DLC1: variants seen among roughly 807,000 people sequenced by gnomAD.
DLC1 encodes DLC1 Rho GTPase activating protein.
In DLC1, 54 loss-of-function variants were observed where a neutral mutation model predicts 140.3. The observed-to-expected ratio is 0.38, with a 90% CI of 0.31 to 0.48. The LOEUF (loss-of-function observed/expected upper bound fraction) is 0.48, where lower values mean the gene tolerates loss of function less well. Among genes scored for constraint, DLC1 ranks in the 20% least tolerant of loss-of-function variants. The pLI, the probability that DLC1 is intolerant of heterozygous loss-of-function variation, is 0.96. For synonymous variants in DLC1, 986 were observed against 728.1 expected, an observed-to-expected ratio of 1.35 and a Z score of -5.70; for missense variants, 2,536 against 1,907.0, an observed-to-expected ratio of 1.33 and a Z score of -6.14.
intron 5 of DLC1, among the ~76,000 whole-genome samples, chr8:13,178,315 C>T (rs554405993): frequency 1.2e-4 from 18 of 152,254 alleles, no homozygotes; most frequent in African/African-American, 4.3e-4. Flanking sequence ...GTAATCCCAG[C>T]ATTTCGGGAG....
At chr8:13,159,820 A>G (rs1824541933) in intron 5 of DLC1, among the ~76,000 whole-genome samples, 4 of 151,608 alleles carry the variant, frequency 2.6e-5, no homozygotes, top group Admixed American at 2.0e-4. Context: ...GCAAGAAGGT[A>G]AGGGATGGAT....
chr8:13,525,315 G>A (rs1294140163), intron 1 of DLC1, among the ~76,000 whole-genome samples: 1 of 152,228 alleles, frequency 6.6e-6, no homozygotes, highest in East Asian at 1.9e-4. Context: ...TCATGTGCAA[G>A]TCATTGTATG....
At chr8:13,578,507 T>G (rs563127999) in intron 1 of DLC1, among the ~76,000 whole-genome samples, 2 of 152,220 alleles carry the variant, frequency 1.3e-5, no homozygotes, top group African/African-American at 4.8e-5. Flanking sequence ...GGTTAAGAGC[T>G]CAGTCCTACA....
intron 5 of DLC1, chr8:13,304,875 T>C (rs1832352527): frequency 1.0e-6 from 1 of 991,590 alleles, no homozygotes; most frequent in African/African-American, 1.7e-5. Flanking sequence ...GGCATCAGCT[T>C]TAAGCATCAA....
intron 5 of DLC1, among the ~76,000 whole-genome samples, chr8:13,270,784 C>T (rs1302767066): frequency 6.6e-6 from 1 of 152,008 alleles, no homozygotes; most frequent in African/African-American, 2.4e-5. Flanking sequence ...AAGCCCAAAG[C>T]CAATTATAGA....
chr8:13,527,699 T>C (rs993589039), intron 1 of DLC1, among the ~76,000 whole-genome samples: 8 of 152,154 alleles, frequency 5.3e-5, no homozygotes, highest in African/African-American at 1.9e-4. Flanking sequence ...ATATTATATT[T>C]TCCTGTAATG....
At chr8:13,312,381 A>T (rs1260841411) in intron 4 of DLC1, among the ~76,000 whole-genome samples, 1 of 117,180 alleles carries the variant, frequency 8.5e-6, no homozygotes, top group African/African-American at 3.5e-5. Context: ...AAAAAAAAAA[A>T]AAAAAAATAA....
Position 13,090,345 on chromosome 8 carries a change from G to A in DLC1, c.3981C>T (p.Asp1327=). 1.9e-6 allele frequency: 3 copies of A among 1,614,202 alleles called. No homozygotes were observed. Among genetic ancestry groups the A allele is most frequent in the South Asian group, 2.2e-5 (2 of 91,078 alleles). ...DSADYQHFLQ[D]CVDGLFKEVK... ...CTTCTTTAAACAGGCCATCCACACA[G>A]TCCTGGAGGAAGTGTTGGTAGTCAG... Residue 1327 remains aspartate, a synonymous_variant, in exon 15 of 18, where the codon GAC becomes GAT. Transcript: ENST00000276297.
chr8:13,465,492 A>G (rs1384860752), intron 2 of DLC1, among the ~76,000 whole-genome samples: 2 of 152,084 alleles, frequency 1.3e-5, no homozygotes, highest in Non-Finnish European at 2.9e-5. Context: ...TCTGATTTCA[A>G]GAGTTTGATA....
At chr8:13,372,032 A>G (rs1437499298) in intron 4 of DLC1, among the ~76,000 whole-genome samples, 1 of 152,188 alleles carries the variant, frequency 6.6e-6, no homozygotes, top group Non-Finnish European at 1.5e-5. Context: ...CACCAAACAC[A>G]TTAAAATAGA....
chr8:13,582,754 TCA>T (rs1457965231), intron 1 of DLC1, among the ~76,000 whole-genome samples: 4 of 151,218 alleles, frequency 2.6e-5, no homozygotes, highest in African/African-American at 9.7e-5. Context: ...GTACAGGAAC[TCA>T]CAGATTTTGT....
At chr8:13,113,359 G>C (rs1010282064) in intron 6 of DLC1, among the ~76,000 whole-genome samples, 22 of 152,122 alleles carry the variant, frequency 1.4e-4, no homozygotes, top group African/African-American at 5.3e-4. Context: ...AACGGGGGGA[G>C]GCAATGGCCC....
At chr8:13,563,802 T>A (rs113353255) in intron 1 of DLC1, among the ~76,000 whole-genome samples, 1 of 152,320 alleles carries the variant, frequency 6.6e-6, no homozygotes, top group African/African-American at 2.4e-5. Context: ...ATACCTTGCA[T>A]CTGAATGTAT....
intron 4 of DLC1, among the ~76,000 whole-genome samples, chr8:13,352,795 T>A (rs1203598229): frequency 6.6e-6 from 1 of 152,180 alleles, no homozygotes; most frequent in East Asian, 1.9e-4. Context: ...GAACAGTGAT[T>A]AAGGAAAATA....
At chr8:13,409,158 T>C (rs934309411) in intron 2 of DLC1, among the ~76,000 whole-genome samples, 1 of 152,174 alleles carries the variant, frequency 6.6e-6, no homozygotes, top group African/African-American at 2.4e-5. Flanking sequence ...TTTGTAGTTA[T>C]TATTTTTACC....
At chr8:13,478,346 G>A (rs1031888951) in intron 2 of DLC1, among the ~76,000 whole-genome samples, 1 of 152,160 alleles carries the variant, frequency 6.6e-6, no homozygotes. Context: ...CACCAAGCCT[G>A]AGGGATCCAT....
intron 4 of DLC1, among the ~76,000 whole-genome samples, chr8:13,389,896 G>C (rs1836675167): frequency 6.6e-6 from 1 of 152,124 alleles, no homozygotes; most frequent in Admixed American, 6.5e-5. Flanking sequence ...GTTCATTATA[G>C]TTTGATGTGT....
chr8:13,294,062 A>T (rs535308240), intron 5 of DLC1, among the ~76,000 whole-genome samples: 1 of 152,202 alleles, frequency 6.6e-6, no homozygotes, highest in Non-Finnish European at 1.5e-5. Context: ...ATAGTGTCAT[A>T]CTGAATAGTT....
intron 6 of DLC1, among the ~76,000 whole-genome samples, chr8:13,112,143 C>A (rs1017059471): frequency 3.3e-5 from 5 of 151,744 alleles, no homozygotes; most frequent in African/African-American, 4.8e-5. Flanking sequence ...AGAGTGAGAC[C>A]CTATCTGAAA....
Sources: gnomAD v4.1 joint callset for allele counts (sites outside exome capture counted in the v4.1 genomes callset) on GRCh38, gnomAD v4.1.1 for gene constraint, MANE v1.5 for transcripts, NCBI Gene and HGNC (gene_info 2026-07-23, HGNC 2026-07-21) for gene names.